CNBD1: variants seen among roughly 807,000 people sequenced by gnomAD.
CNBD1 encodes the protein cyclic nucleotide binding domain containing 1, also known as cyclic nucleotide-binding domain-containing protein 1.
A neutral mutation model predicts 54.4 loss-of-function variants in CNBD1; 71 were observed. The ratio of observed to expected loss-of-function variants is 1.30; its 90% CI spans 1.08 to 1.59. The LOEUF (loss-of-function observed/expected upper bound fraction) is 1.59, where lower values mean the gene tolerates loss of function less well. CNBD1 is among the 40% of genes most tolerant of loss of function. The probability of loss-of-function intolerance (pLI) is 0.00; values close to 1 mark genes in which losing one functional copy is unlikely to be tolerated. For missense variants in CNBD1, 659 were observed against 518.0 expected, an observed-to-expected ratio of 1.27 and a Z score of -2.64; for synonymous variants, 182 against 170.7, an observed-to-expected ratio of 1.07 and a Z score of -0.51.
rs1004954694 is a variant in CNBD1 at position 87,102,671 on chromosome 8, T to C, written c.432-103322T>C. On this transcript the variant is annotated intron_variant, in intron 4 of 10. Coordinates refer to ENST00000518476, the MANE Select transcript of CNBD1 (RefSeq NM_173538.3). ...CTCTGTTGCCCAGGCTGGAGTGCAG[T>C]GGCGCGATTTCGGCTCACTGCAAGC... Among the ~76,000 whole-genome samples, 10 of 152,264 alleles carry C rather than the reference T, an allele frequency of 6.6e-5. 1 individual carries two copies. The highest frequency in any genetic ancestry group is 5.9e-4 in the Admixed American group (9 of 15,300).
chr8:86,954,743 A>T (rs1053733285), intron 4 of CNBD1, among the ~76,000 whole-genome samples: 1 of 152,224 alleles, frequency 6.6e-6, no homozygotes, highest in Non-Finnish European at 1.5e-5. Context: ...TTAGATGCAG[A>T]TAAGGTCTGA....
intron 4 of CNBD1, among the ~76,000 whole-genome samples, chr8:87,072,566 A>G (rs553438760): frequency 4.9e-4 from 70 of 144,208 alleles, no homozygotes; most frequent in African/African-American, 1.6e-3. Flanking sequence ...TCACTTATGA[A>G]GCTTAGTTTG....
In CNBD1 at chr8:87,427,293, A is replaced by T. The variant is rs1361804510; in HGVS notation, c.214-1253A>T. ...TTACAATCAAATGAGTTTGGGGTAT[A>T]AAATTGTTTCACTGCTTTTAAAATT... On this transcript the variant is annotated intron_variant, in intron 2 of 7. Transcript: ENST00000521593. 2.0e-5 allele frequency among the ~76,000 whole-genome samples: 3 copies of T among 152,144 alleles called. 1 individual carries two copies. The highest frequency in any genetic ancestry group is 2.0e-4 in the Admixed American group (3 of 15,252).
intron 5 of CNBD1, among the ~76,000 whole-genome samples, chr8:87,230,623 A>G (rs898632438): frequency 6.6e-6 from 1 of 152,150 alleles, no homozygotes; most frequent in African/African-American, 2.4e-5. Flanking sequence ...AATATGCAGT[A>G]ACAATGTATG....
intron 6 of CNBD1, among the ~76,000 whole-genome samples, chr8:87,276,647 C>T (rs1412954320): frequency 1.3e-5 from 2 of 151,766 alleles, no homozygotes; most frequent in African/African-American, 4.8e-5. Flanking sequence ...TTGCTGAGAA[C>T]AACTATAAAA....
intron 3 of CNBD1, among the ~76,000 whole-genome samples, chr8:86,939,230 A>G (rs1424121633): frequency 1.3e-5 from 2 of 152,222 alleles, no homozygotes; most frequent in African/African-American, 2.4e-5. Flanking sequence ...TGCTAAAAAA[A>G]AACACTGAAA....
intron 6 of CNBD1, among the ~76,000 whole-genome samples, chr8:87,255,993 ATATATATATATATATATATATATTTTT>A (rs1337936351): frequency 7.1e-4 from 9 of 12,758 alleles, no homozygotes; most frequent in Non-Finnish European, 1.1e-3. Context: ...ATATATATAT[ATATATATATATATATATATATATTTTT>A]TTTTTTTTTT....
chr8:87,139,964 G>C (rs1460744927), intron 4 of CNBD1, among the ~76,000 whole-genome samples: 1 of 151,984 alleles, frequency 6.6e-6, no homozygotes, highest in Non-Finnish European at 1.5e-5. Context: ...GAGATCAAAA[G>C]TTACATTTGC....
chr8:87,282,710 A>G (rs1190292891), intron 6 of CNBD1, among the ~76,000 whole-genome samples: 3 of 152,048 alleles, frequency 2.0e-5, no homozygotes, highest in Admixed American at 1.3e-4. Context: ...AAGCCTTAAT[A>G]TTATTCAAAG....
intron 8 of CNBD1, among the ~76,000 whole-genome samples, chr8:87,337,985 T>G (rs1809983799): frequency 6.6e-6 from 1 of 152,206 alleles, no homozygotes; most frequent in Non-Finnish European, 1.5e-5. Flanking sequence ...TCTTCTATAT[T>G]GTCTTTGACT....
At chr8:87,081,510 TG>T (rs1810991384) in intron 4 of CNBD1, among the ~76,000 whole-genome samples, 1 of 141,694 alleles carries the variant, frequency 7.1e-6, no homozygotes, top group Admixed American at 7.4e-5. Context: ...TTTTTGTTTT[TG>T]TTTTTTTTTT....
intron 4 of CNBD1, among the ~76,000 whole-genome samples, chr8:86,999,625 G>A (rs1375237793): frequency 6.6e-6 from 1 of 151,824 alleles, no homozygotes; most frequent in Non-Finnish European, 1.5e-5. Flanking sequence ...TCCCCCGGTT[G>A]AGATCCCACC....
intron 4 of CNBD1, among the ~76,000 whole-genome samples, chr8:87,149,183 A>T (rs765714489): frequency 6.6e-6 from 1 of 152,156 alleles, no homozygotes; most frequent in Non-Finnish European, 1.5e-5. Context: ...CTAAATATAT[A>T]GTGTGTATTG....
chr8:87,114,289 A>C (rs1328017081), intron 4 of CNBD1, among the ~76,000 whole-genome samples: 1 of 152,168 alleles, frequency 6.6e-6, no homozygotes, highest in Non-Finnish European at 1.5e-5. Flanking sequence ...TAGAGTATAC[A>C]ATGATTGCTT....
At chr8:87,107,303 C>A (rs945934961) in intron 4 of CNBD1, among the ~76,000 whole-genome samples, 1 of 152,184 alleles carries the variant, frequency 6.6e-6, no homozygotes, top group Non-Finnish European at 1.5e-5. Flanking sequence ...CTGTTTCCTT[C>A]CAACTTTCCA....
At chr8:87,410,541 C>G (rs1807724415) in intron 2 of CNBD1, among the ~76,000 whole-genome samples, 1 of 152,116 alleles carries the variant, frequency 6.6e-6, no homozygotes, top group Non-Finnish European at 1.5e-5. Context: ...TCTTGAGATA[C>G]ATCACCTCCT....
intron 6 of CNBD1, among the ~76,000 whole-genome samples, chr8:87,251,213 G>A (rs1042302333): frequency 6.6e-6 from 1 of 152,062 alleles, no homozygotes; most frequent in African/African-American, 2.4e-5. Context: ...CCTAGTTTTT[G>A]TGATGTTTTA....
chr8:87,243,414 A>G (rs2336980), intron 6 of CNBD1, among the ~76,000 whole-genome samples: 54,564 of 152,092 alleles, frequency 0.36, 11,313 homozygotes, highest in Non-Finnish European at 0.47. Context: ...GATAAGGACA[A>G]GGAATTTAAG....
At chr8:86,943,891 C>T (rs1044424956) in intron 4 of CNBD1, among the ~76,000 whole-genome samples, 2 of 151,974 alleles carry the variant, frequency 1.3e-5, no homozygotes, top group Non-Finnish European at 2.9e-5. Context: ...GCTGGAGATA[C>T]AAACTCTAAG....
Sources: allele counts gnomAD v4.1 joint callset (sites outside exome capture counted in the v4.1 genomes callset), GRCh38; gene constraint gnomAD v4.1.1; transcripts MANE v1.5; gene names NCBI Gene and HGNC (gene_info 2026-07-23, HGNC 2026-07-21).